Variants in ERBIN observed in about 807,000 individuals in gnomAD.
ERBIN encodes densin-180-like protein.
Under a neutral mutation model 158.4 loss-of-function variants are expected in ERBIN, and 60 were observed. The ratio of observed to expected loss-of-function variants is 0.38; its 90% CI spans 0.31 to 0.47. The LOEUF (loss-of-function observed/expected upper bound fraction) is 0.47. Among genes scored for constraint, ERBIN ranks in the 20% least tolerant of loss-of-function variants. ERBIN has a pLI of 0.99. For missense variants in ERBIN, 1,610 were observed against 1,648.0 expected (o/e 0.98, Z 0.40); for synonymous variants, 594 against 557.2 (o/e 1.07, Z -0.93).
chr5:66,008,047 G>T (rs1170153507), intron 4 of ERBIN, among the ~76,000 whole-genome samples: 1 of 152,172 alleles, frequency 6.6e-6, no homozygotes, highest in African/African-American at 2.4e-5. Context: ...TTTAGAATTT[G>T]TAATTTCACA....
intron 1 of ERBIN, among the ~76,000 whole-genome samples, chr5:65,961,521 T>C (rs1433007269): frequency 6.6e-6 from 1 of 152,210 alleles, no homozygotes; most frequent in Non-Finnish European, 1.5e-5. Flanking sequence ...GTATTAATTG[T>C]AATTATTAAG....
chr5:65,954,362 C>T (rs1169013933), intron 1 of ERBIN, among the ~76,000 whole-genome samples: 1 of 152,138 alleles, frequency 6.6e-6, no homozygotes, highest in Non-Finnish European at 1.5e-5. Flanking sequence ...TATGCATTGA[C>T]TCTTGGGAAA....
intron 7 of ERBIN, among the ~76,000 whole-genome samples, chr5:66,015,467 G>T (rs1298524194): frequency 2.0e-5 from 3 of 152,126 alleles, no homozygotes; most frequent in Non-Finnish European, 4.4e-5. Context: ...TGATAAAGTA[G>T]TTGTCACTAC....
chr5:66,037,087 C>T (rs1011864853), intron 14 of ERBIN, among the ~76,000 whole-genome samples: 2 of 152,062 alleles, frequency 1.3e-5, no homozygotes, highest in African/African-American at 2.4e-5. Context: ...TTAAAAGCCT[C>T]CCATATAATT....
In ERBIN at chr5:65,992,735, G is replaced by A. The variant is rs1271243794; in HGVS notation, c.17G>A (p.Ser6Asn). The A allele has an allele frequency of 1.9e-6, 3 of 1,590,986 alleles. No homozygotes were observed. In the African/African-American group the frequency reaches 4.1e-5, roughly 22 times the overall value. The change falls in exon 3 of 26, where the codon AGT becomes AAT. Residue 6 changes from serine to asparagine, a missense_variant. By Grantham distance (46) the Ser-to-Asn change is conservative. Transcript: ENST00000284037. ...TGTCTAAAAATGACTACAAAACGAAGTTTGTTTGTGCGGTTGGTACCATGT... is the reference window on the plus strand; with the variant it reads ...TGTCTAAAAATGACTACAAAACGAAATTTGTTTGTGCGGTTGGTACCATGT... MTTKRSLFVRLVPCRC... is the reference protein window; with the variant it reads MTTKRNLFVRLVPCRC...
rs1454517219 is a variant in ERBIN, at chr5:66,075,087, C to A, written c.3820C>A (p.His1274Asn). The A allele has an allele frequency of 1.9e-6, 3 of 1,614,012 alleles. No individual in the cohort carries two copies. Among genetic ancestry groups the A allele is most frequent in the Non-Finnish European group, 1.7e-6 (2 of 1,180,036 alleles). ...GCCTCAGGCAAATTATAGTCAAATA[C>A]ATCACCCCCCTCAGGCATCTGTGGC... The part of the protein sequence containing the change: ...LRPQANYSQI[H>N]HPPQASVARH... Residue 1274 changes from histidine (H) to asparagine (N), a missense_variant, in exon 23 of 26, where the codon CAT (histidine) becomes AAT (asparagine). By Grantham distance (68) the His-to-Asn change is moderately conservative (BLOSUM62 1). This residue lies in a region of ERBIN where 1,014 missense variants were observed against 936.1 expected (regional missense o/e 1.08). Coordinates refer to ENST00000284037, the MANE Select transcript of ERBIN (RefSeq NM_001253697.2).
In ERBIN at chr5:66,050,804, C is replaced by A. The variant is rs1758942782; in HGVS notation, c.1925C>A (p.Ser642Tyr). The A allele has an allele frequency of 6.4e-7, 1 of 1,559,338 alleles. No individual in the cohort carries two copies. The highest frequency in any genetic ancestry group is 8.6e-7 in the Non-Finnish European group (1 of 1,157,316). The change falls in exon 20 of 26, where the codon TCT becomes TAT. Residue 642 changes from serine (S) to tyrosine (Y), a missense_variant. Coordinates refer to ENST00000284037, the MANE Select transcript of ERBIN (RefSeq NM_001253697.2). The stretch of plus-strand genomic sequence containing the variant: ...TCAGATGATACAAAGGAAACAGATT[C>A]TTTATCAGATGAAGTTACACACAAT... ...NKKDDTKETD[S>Y]LSDEVTHNSN...
rs992462991 is a variant in ERBIN at position 65,996,578 on chromosome 5, G to A, written c.307+1714G>A. On this transcript the variant is annotated intron_variant, in intron 4 of 25. Coordinates refer to ENST00000284037, the MANE Select transcript of ERBIN (RefSeq NM_001253697.2). ...TGTGAAGTCGGGTGTGATGCCTGCC[G>A]TTTAGTTCTTTTTGTTCACCGTTGC... Among the ~76,000 whole-genome samples, 7 of 152,064 alleles carry A rather than the reference G, an allele frequency of 4.6e-5. No individual in the cohort carries two copies. The East Asian group carries it at 1.3e-3, about 29-fold the overall frequency.
In ERBIN at chr5:66,054,850, G is replaced by A. The variant is rs139797588; in HGVS notation, c.3532G>A (p.Gly1178Ser). The A allele has an allele frequency of 6.2e-7, 1 of 1,614,070 alleles. No homozygotes were observed. The highest frequency in any genetic ancestry group is 8.5e-7 in the Non-Finnish European group (1 of 1,179,982). The change falls in exon 21 of 26, where the codon GGT (glycine) becomes AGT (serine). Residue 1178 changes from glycine (G) to serine (S), a missense_variant. Around this residue, in one of 2 missense-constraint regions of ERBIN, gnomAD observed 1,014 missense variants for 936.1 expected, o/e 1.08. Transcript: ENST00000284037. ...TTCAAAAAGACCAAATGCAAGGGTT[G>A]GTTCTGAGCATTCTTTATTAGATCC... is the stretch of plus-strand genomic sequence containing the variant. ...SPSKRPNARVGSEHSLLDPPG... is the reference protein window; with the variant it reads ...SPSKRPNARVSSEHSLLDPPG...
At chr5:65,941,064 A>G (rs1344411848) in intron 1 of ERBIN, among the ~76,000 whole-genome samples, 16 of 152,132 alleles carry the variant, frequency 1.1e-4, no homozygotes, top group Admixed American at 2.0e-4. Context: ...ACTCAGGGTT[A>G]AATGGATTAA....
intron 1 of ERBIN, among the ~76,000 whole-genome samples, chr5:65,983,314 T>G (rs1394785395): frequency 6.6e-6 from 1 of 152,200 alleles, no homozygotes; most frequent in Non-Finnish European, 1.5e-5. Flanking sequence ...GTATATGTTG[T>G]AGGCATATCA....
chr5:66,043,681 A>C (rs1366329472), intron 16 of ERBIN, among the ~76,000 whole-genome samples: 3 of 152,138 alleles, frequency 2.0e-5, no homozygotes, highest in Non-Finnish European at 4.4e-5. Flanking sequence ...TTTTTTAGTT[A>C]CTTAATGAAT....
intron 1 of ERBIN, among the ~76,000 whole-genome samples, chr5:65,943,239 A>T (rs1580100527): frequency 6.6e-6 from 1 of 152,336 alleles, no homozygotes; most frequent in East Asian, 1.9e-4. Flanking sequence ...GAATTACAGG[A>T]ATGTTAGAAG....
At chr5:66,009,026 A>T (rs769490697) in intron 4 of ERBIN, among the ~76,000 whole-genome samples, 5 of 152,196 alleles carry the variant, frequency 3.3e-5, no homozygotes, top group Non-Finnish European at 7.3e-5. Flanking sequence ...TTTTCAGTGC[A>T]ACTTTTTCAC....
rs746182202 is a variant in ERBIN at position 66,014,734 on chromosome 5, A to G, written c.533+9A>G. On this transcript the variant is annotated intron_variant, in intron 7 of 25. Coordinates refer to ENST00000284037, the MANE Select transcript of ERBIN (RefSeq NM_001253697.2). ...TTAAAAATGTTGCCTAAGTAAGTAA[A>G]GGTGCTATTCTTTAAAAAACTTAAT... 2 of 1,366,764 alleles carry G rather than the reference A, an allele frequency of 1.5e-6. No individual in the cohort carries two copies. Among genetic ancestry groups the G allele is most frequent in the Non-Finnish European group, 2.0e-6 (2 of 1,003,962 alleles). The allele number at this position is 1,366,764 out of a possible 1,614,324, so 84.7% of individuals were successfully genotyped here. A position where few individuals can be genotyped will look rare whatever the true frequency, so the allele number is the denominator to read the frequency against.
intron 1 of ERBIN, among the ~76,000 whole-genome samples, chr5:65,934,367 T>A (rs537252564): frequency 6.6e-6 from 1 of 152,326 alleles, no homozygotes; most frequent in East Asian, 1.9e-4. Context: ...TTTGGAATCA[T>A]GTGTTACATT....
chr5:65,994,652 C>T lies in ERBIN; in HGVS notation c.190-95C>T, dbSNP rs981987376. On this transcript the variant is annotated intron_variant, in intron 3 of 25. Transcript: ENST00000284037. ...TTCCTGGTATTAGTGTAGGTTATAA[C>T]TCATTCAGTTTTAATATGGCTGATA... The T allele has an allele frequency of 1.1e-5, 7 of 664,336 alleles. No individual in the cohort carries two copies. The African/African-American group carries it at 1.3e-4, about 12-fold the overall frequency. The allele number at this position is 664,336 out of a possible 1,614,324, so 41.2% of individuals were successfully genotyped here. A position where few individuals can be genotyped will look rare whatever the true frequency, so the allele number is the denominator to read the frequency against.
At chr5:66,071,334 A>G (rs1393128420) in intron 21 of ERBIN, among the ~76,000 whole-genome samples, 1 of 152,180 alleles carries the variant, frequency 6.6e-6, no homozygotes, top group Non-Finnish European at 1.5e-5. Flanking sequence ...ACACCACTGC[A>G]CTACAGCCTA....
intron 3 of ERBIN, among the ~76,000 whole-genome samples, 174 bp from the exon 4 acceptor site, chr5:65,994,573 A>T (rs1450816317): frequency 6.6e-6 from 1 of 152,186 alleles, no homozygotes; most frequent in Non-Finnish European, 1.5e-5. Context: ...ATTAATCTGA[A>T]TGGTTCAGTT....
Sources: gnomAD v4.1 joint callset for allele counts (sites outside exome capture counted in the v4.1 genomes callset) on GRCh38, gnomAD v4.1.1 for gene constraint, gnomAD v4.1.1 regional missense constraint, MANE v1.5 for transcripts, NCBI Gene and HGNC (gene_info 2026-07-23, HGNC 2026-07-21) for gene names.